The following LYAR variants were observed in gnomAD, a reference collection of about 807,000 sequenced individuals.
LYAR encodes Ly1 antibody reactive.
In LYAR, 37 loss-of-function variants were observed where a neutral mutation model predicts 45.2. The observed-to-expected ratio is 0.82, with a 90% CI of 0.63 to 1.08. The LOEUF (loss-of-function observed/expected upper bound fraction) is 1.08. LYAR is among the 50% of genes least tolerant of loss of function. LYAR has a pLI of 0.00. For missense variants in LYAR, 493 were observed against 451.0 expected (o/e 1.09, Z -0.84); for synonymous variants, 176 against 155.1 (o/e 1.14, Z -1.00).
chr4:4,273,700 A>T (rs758495157), intron 7 of LYAR, 31 bp from the exon 8 acceptor site: 92 of 1,433,714 alleles, frequency 6.4e-5, no homozygotes, highest in Non-Finnish European at 8.3e-5. Context: ...TTTTTAAAGA[A>T]GATTTTGCAT....
intron 8 of LYAR, among the ~76,000 whole-genome samples, chr4:4,269,878 A>G (rs1718866065): frequency 6.6e-6 from 1 of 152,218 alleles, no homozygotes; most frequent in African/African-American, 2.4e-5. Context: ...TAAATGTGTT[A>G]ATCAGCTTGA....
chr4:4,268,849 A>C (rs1718814309), intron 8 of LYAR: 1 of 423,076 alleles, frequency 2.4e-6, no homozygotes, highest in Non-Finnish European at 4.2e-6. Context: ...TGGCATGACA[A>C]ACTCCTAGAT....
chr4:4,281,801 T>C lies in LYAR; in HGVS notation c.219A>G (p.Lys73=). The C allele has an allele frequency of 1.2e-6, 2 of 1,614,060 alleles. No individual in the cohort carries two copies. The highest frequency in any genetic ancestry group is 1.7e-6 in the Non-Finnish European group (2 of 1,179,868). ...YEGKTHKGDI[K]QQAWIQKISE... ...ACGTTACCTGAATCCACGCCTGCTG[T>C]TTGATGTCGCCTTTGTGGGTTTTAC... The change falls in exon 4 of 10, where the codon AAA becomes AAG. Residue 73 remains lysine (K), a synonymous_variant. Coordinates refer to ENST00000343470, the MANE Select transcript of LYAR (RefSeq NM_017816.3).
intron 4 of LYAR, 76 bp from the exon 5 acceptor site, chr4:4,279,825 T>C: frequency 2.1e-6 from 2 of 945,256 alleles, no homozygotes; most frequent in Non-Finnish European, 3.3e-6. Flanking sequence ...ATTGAAAAAG[T>C]CCTTGCCATG....
At chr4:4,289,913 C>G (rs993575961) in intron 1 of LYAR, 123 bp downstream of exon 1, 2 of 152,294 alleles carry the variant, frequency 1.3e-5, no homozygotes, top group African/African-American at 4.8e-5. Context: ...GGAGTGAGAT[C>G]TGAATGGAAC....
chr4:4,273,657 G>A lies in LYAR; in HGVS notation c.845C>T (p.Ser282Phe). The A allele has an allele frequency of 6.2e-7, 1 of 1,609,684 alleles. No individual in the cohort carries two copies. Among genetic ancestry groups the A allele is most frequent in the South Asian group, 1.1e-5 (1 of 90,744 alleles). The change falls in exon 8 of 10, where the codon TCT becomes TTT. Residue 282 changes from serine to phenylalanine, a missense_variant. Coordinates refer to ENST00000343470, the MANE Select transcript of LYAR (RefSeq NM_017816.3). Reference sequence around the variant, plus strand: ...TGGGAGCTTCATCTTTTTCTTCTTAGAATCTGTTTCAACTAAGTATTTGGA... The same window carrying A: ...TGGGAGCTTCATCTTTTTCTTCTTAAAATCTGTTTCAACTAAGTATTTGGA... Reference protein sequence around the residue: ...KRRHSEVETDSKKKKMKLPEH... With the variant: ...KRRHSEVETDFKKKKMKLPEH...
chr4:4,273,680 G>C lies in LYAR; in HGVS notation c.833-11C>G. On this transcript the variant is annotated splice_polypyrimidine_tract_variant and intron_variant, in intron 7 of 9. Transcript: ENST00000343470. ...TAGAATCTGTTTCAACTAAGTATTT[G>C]GAAAGATTTTTTTTAAAGAAGATTT... 6.4e-7 allele frequency: 1 copy of C among 1,564,878 alleles called. No homozygotes were observed. The highest frequency in any genetic ancestry group is 1.1e-5 in the South Asian group (1 of 88,762).
intron 2 of LYAR, among the ~76,000 whole-genome samples, chr4:4,284,487 T>C (rs892322098): frequency 3.3e-5 from 5 of 152,214 alleles, no homozygotes; most frequent in African/African-American, 1.2e-4. Context: ...CTTCTTCATG[T>C]GGCAGCTTGT....
chr4:4,282,422 T>C (rs894370126), intron 3 of LYAR, among the ~76,000 whole-genome samples: 20 of 152,224 alleles, frequency 1.3e-4, no homozygotes, highest in Non-Finnish European at 1.3e-4. Flanking sequence ...CAGGGAAATG[T>C]TGGGGACAAG....
chr4:4,267,816 A>G lies in LYAR; in HGVS notation c.*73T>C. On this transcript the variant is annotated 3_prime_UTR_variant, in exon 10 of 10. Transcript: ENST00000343470. Reference sequence around the variant, plus strand: ...AGCAAAATTTGAGTTGTTAGAATTCATTACACATTTTATAAACAGCAGTGA... The same window carrying G: ...AGCAAAATTTGAGTTGTTAGAATTCGTTACACATTTTATAAACAGCAGTGA... The G allele has an allele frequency of 7.8e-7, 1 of 1,278,224 alleles. No homozygotes were observed. The highest frequency in any genetic ancestry group is 2.1e-5 in the South Asian group (1 of 46,782). 79.2% of individuals were successfully genotyped at this position (1,278,224 alleles called of 1,614,324 possible).
At position 4,279,240 on chromosome 4, in the gene LYAR, C is replaced by T. The variant is rs183121074; in HGVS notation, c.429+207G>A. ...CCCAGCTACTTGGGAGGCTGAGACA[C>T]GAGAATTGCTTGAACCCAGAGGCAG... is the stretch of plus-strand genomic sequence containing the variant. On this transcript the variant is annotated intron_variant, in intron 6 of 9. Transcript: ENST00000343470. Among the ~76,000 whole-genome samples the T allele has an allele frequency of 2.5e-3, 384 of 151,984 alleles. 3 individuals are homozygous for T. Among genetic ancestry groups the T allele is most frequent in the African/African-American group, 8.7e-3 (361 of 41,466 alleles).
rs745949306 is a variant in LYAR at position 4,279,452 on chromosome 4, T to C, written c.424A>G (p.Asn142Asp). Residue 142 changes from asparagine (N) to aspartate (D), a missense_variant, in exon 6 of 10, where the codon AAC (asparagine) becomes GAC (aspartate). Asn to Asp is a conservative substitution (Grantham distance 23). Coordinates refer to ENST00000343470, the MANE Select transcript of LYAR (RefSeq NM_017816.3). ...TAAAATCAGATCTGACTTACGCTGTTGGAAGCTTCAGAAAAGATATTCCAC... is the reference window on the plus strand; with the variant it reads ...TAAAATCAGATCTGACTTACGCTGTCGGAAGCTTCAGAAAAGATATTCCAC... ...QVWNIFSEAS[N>D]SEPVNKEQDQ... The C allele has an allele frequency of 5.6e-6, 9 of 1,607,020 alleles. No individual in the cohort carries two copies. The highest frequency in any genetic ancestry group is 2.6e-6 in the Non-Finnish European group (3 of 1,174,098).
At chr4:4,280,849 G>A (rs16835443) in intron 4 of LYAR, among the ~76,000 whole-genome samples, 7,838 of 152,208 alleles carry the variant, frequency 0.051, 670 homozygotes, top group African/African-American at 0.18. Context: ...CAAATGGAAC[G>A]ATTACTTTTT....
intron 1 of LYAR, among the ~76,000 whole-genome samples, chr4:4,289,400 A>G (rs1205553284): frequency 1.3e-5 from 2 of 152,092 alleles, no homozygotes; most frequent in East Asian, 3.9e-4. Flanking sequence ...CAGGGTTGCA[A>G]ATACAGACCC....
rs748291531 is a variant in LYAR, at chr4:4,273,606, T to C, written c.896A>G (p.Glu299Gly). The change falls in exon 8 of 10, where the codon GAA becomes GGA. Residue 299 changes from glutamate to glycine, a missense_variant. By Grantham distance (98) the Glu-to-Gly change is moderately conservative. Coordinates refer to ENST00000343470, the MANE Select transcript of LYAR (RefSeq NM_017816.3). ...LPEHPEGGEP[E>G]DDEAPAKGKF... Reference sequence around the variant, plus strand: ...ACCTTTTGCAGGAGCCTCATCGTCTTCTGGTTCTCCGCCCTCAGGATGCTC... The same window carrying C: ...ACCTTTTGCAGGAGCCTCATCGTCTCCTGGTTCTCCGCCCTCAGGATGCTC... 4 of 1,613,556 alleles carry C rather than the reference T, an allele frequency of 2.5e-6. No homozygotes were observed. The highest frequency in any genetic ancestry group is 2.7e-5 in the African/African-American group (2 of 74,914).
At chr4:4,270,432 G>C (rs1718888338) in intron 8 of LYAR, among the ~76,000 whole-genome samples, 1 of 149,960 alleles carries the variant, frequency 6.7e-6, no homozygotes, top group African/African-American at 2.4e-5. Context: ...ACTCTGTTAT[G>C]ATGAAAAAAC....
At chr4:4,283,580 C>T in intron 3 of LYAR, 41 bp downstream of exon 3, 8 of 1,577,444 alleles carry the variant, frequency 5.1e-6, no homozygotes, top group Non-Finnish European at 6.9e-6. Flanking sequence ...CAAAACTGAT[C>T]TGGATTTACT....
In LYAR at chr4:4,283,558, C is replaced by T. The variant is rs1045235524; in HGVS notation, c.122+63G>A. On this transcript the variant is annotated intron_variant, in intron 3 of 9. Coordinates refer to ENST00000343470, the MANE Select transcript of LYAR (RefSeq NM_017816.3). The stretch of plus-strand genomic sequence containing the variant: ...GCCACTATTTTTCCAAGCTTTGTGG[C>T]GCCAAGGCTTCCAAAACTGATCTGG... The T allele has an allele frequency of 8.7e-5, 134 of 1,538,178 alleles. No homozygotes were observed. In the East Asian group the frequency reaches 1.0e-3, roughly 12 times the overall value.
chr4:4,269,840 A>G (rs1285289983), intron 8 of LYAR, among the ~76,000 whole-genome samples: 1 of 152,196 alleles, frequency 6.6e-6, no homozygotes. Context: ...TGTTCTCAAC[A>G]CACACACACG....
Sources: allele counts gnomAD v4.1 joint callset (sites outside exome capture counted in the v4.1 genomes callset), GRCh38; gene constraint gnomAD v4.1.1; transcripts MANE v1.5; gene names NCBI Gene and HGNC (gene_info 2026-07-23, HGNC 2026-07-21).